CAPN9: variants seen among roughly 807,000 people sequenced by gnomAD.
CAPN9 encodes calpain 9, also known as calpain-9.
Under a neutral mutation model 92.8 loss-of-function variants are expected in CAPN9, and 81 were observed. The observed-to-expected ratio is 0.87, with a 90% CI of 0.73 to 1.05. The LOEUF (loss-of-function observed/expected upper bound fraction) is 1.05. Among genes scored for constraint, CAPN9 ranks in the 50% least tolerant of loss-of-function variants. CAPN9 has a pLI of 0.00. For missense variants in CAPN9, 848 were observed against 866.2 expected (o/e 0.98, Z 0.26); for synonymous variants, 304 against 328.0 (o/e 0.93, Z 0.79).
intron 8 of CAPN9, among the ~76,000 whole-genome samples, chr1:230,775,515 C>T (rs1210321066): frequency 1.3e-5 from 2 of 152,174 alleles, no homozygotes; most frequent in East Asian, 3.8e-4. Context: ...TAGAAGTTGG[C>T]CCTTCTAACC....
At chr1:230,777,802 C>T (rs1282168966) in intron 8 of CAPN9, among the ~76,000 whole-genome samples, 3 of 152,088 alleles carry the variant, frequency 2.0e-5, no homozygotes, top group East Asian at 3.9e-4. Context: ...CCTGGTGGTC[C>T]TCCTCCTACC....
chr1:230,767,802 C>T, intron 5 of CAPN9, 93 bp downstream of exon 5: 1 of 1,220,756 alleles, frequency 8.2e-7, no homozygotes, highest in Non-Finnish European at 1.1e-6. Flanking sequence ...GGTACCCCAG[C>T]CACACCCAAG....
At chr1:230,795,319 C>CCACCCCG in intron 18 of CAPN9, 40 bp downstream of exon 18, 1 of 1,212,122 alleles carries the variant, frequency 8.2e-7, no homozygotes, top group Non-Finnish European at 1.2e-6. Flanking sequence ...CTCGGGGTGG[C>CCACCCCG]ATCTTCAGTC....
chr1:230,795,045 A>T (rs1204039449), intron 17 of CAPN9, 118 bp from the exon 18 acceptor site: 2 of 686,670 alleles, frequency 2.9e-6, no homozygotes, highest in Non-Finnish European at 5.2e-6. Flanking sequence ...TGAGGAGTGA[A>T]ACAGTGGCTT....
At chr1:230,776,656 A>G (rs1348757290) in intron 8 of CAPN9, 1 of 152,194 alleles carries the variant, frequency 6.6e-6, no homozygotes, top group Non-Finnish European at 1.5e-5. Flanking sequence ...GAGGATGTTC[A>G]TATTCTGTGG....
intron 3 of CAPN9, 136 bp from the exon 4 acceptor site, chr1:230,762,517 C>A (rs1446910294): frequency 2.0e-6 from 2 of 977,440 alleles, no homozygotes; most frequent in Non-Finnish European, 1.5e-6. Context: ...CCTTGGAACC[C>A]GTGTGTGATT....
In CAPN9 at chr1:230,751,653, AAG is replaced by A. The variant is rs1664834012; in HGVS notation, c.214-3682_214-3681del. Among the ~76,000 whole-genome samples, 37 of 76,616 alleles carry A rather than the reference AAG, an allele frequency of 4.8e-4. 1 individual carries two copies. Among genetic ancestry groups the A allele is most frequent in the Middle Eastern group, 5.4e-3 (1 of 184 alleles). The allele number at this position is 76,616 out of a possible 152,430, so 50.3% of individuals were successfully genotyped here. ...AAAGAAAGAAAGAAAGAAAGAAAGA[AAG>A]AAAGAAAGAAAGAAAGAAAGAAAGA... On this transcript the variant is annotated intron_variant, in intron 1 of 19. Transcript: ENST00000271971.
In CAPN9 at chr1:230,795,354, A is replaced by T. The variant is rs918823778; in HGVS notation, c.1987+75A>T. On this transcript the variant is annotated intron_variant, in intron 18 of 19. Transcript: ENST00000271971. ...CACCCTCCATGAGCGCATGAGAAAC[A>T]GCCTGGTTAAAGTAATGGCAAAGAT... 5 of 859,400 alleles carry T rather than the reference A, an allele frequency of 5.8e-6. No individual in the cohort carries two copies. The South Asian group carries it at 7.1e-5, about 12-fold the overall frequency. The allele number at this position is 859,400 out of a possible 1,614,324, so 53.2% of individuals were successfully genotyped here.
rs1668745983 is a variant in CAPN9 at position 230,801,954 on chromosome 1, T to A, written c.*358T>A. 1 of 294,610 alleles carries A rather than the reference T, an allele frequency of 3.4e-6. No individual in the cohort carries two copies. Among genetic ancestry groups the A allele is most frequent in the African/African-American group, 2.1e-5 (1 of 47,646 alleles). The allele number at this position is 294,610 out of a possible 1,614,324, so 18.2% of individuals were successfully genotyped here. A position where few individuals can be genotyped will look rare whatever the true frequency, so the allele number is the denominator to read the frequency against. On this transcript the variant is annotated 3_prime_UTR_variant, in exon 20 of 20. Coordinates refer to ENST00000271971, the MANE Select transcript of CAPN9 (RefSeq NM_006615.3). ...GACTTCCATGTAGCTCCAGTCATTGTGATCAGACATCCTTTATAAAACATG... is the reference window on the plus strand; with the variant it reads ...GACTTCCATGTAGCTCCAGTCATTGAGATCAGACATCCTTTATAAAACATG...
At chr1:230,759,738 G>A in intron 3 of CAPN9, 108 bp downstream of exon 3, 1 of 675,938 alleles carries the variant, frequency 1.5e-6, no homozygotes, top group Non-Finnish European at 2.5e-6. Context: ...CATCAGATCT[G>A]TGTGACATAT....
chr1:230,757,068 A>T (rs7552686), intron 2 of CAPN9, among the ~76,000 whole-genome samples: 3 of 35,288 alleles, frequency 8.5e-5, no homozygotes, highest in African/African-American at 2.0e-4. Flanking sequence ...AAGGAAGGAA[A>T]GGAGAAAATA....
Position 230,747,717 on chromosome 1 carries a change from G to A in CAPN9, c.213+8G>A, listed in dbSNP as rs1381520312. ...GTGTGGAAACGACCAGGGGTGAGTG[G>A]GGCGAGCAGGGGAAGGAGCATAGAT... On this transcript the variant is annotated splice_region_variant and intron_variant, in intron 1 of 19. Coordinates refer to ENST00000271971, the MANE Select transcript of CAPN9 (RefSeq NM_006615.3). 1 of 1,612,964 alleles carries A rather than the reference G, an allele frequency of 6.2e-7. No homozygotes were observed. Among genetic ancestry groups the A allele is most frequent in the East Asian group, 2.2e-5 (1 of 44,880 alleles).
intron 12 of CAPN9, chr1:230,786,263 C>T: frequency 1.8e-6 from 1 of 563,050 alleles, no homozygotes; most frequent in Non-Finnish European, 2.3e-6. Flanking sequence ...TCGATGTCAT[C>T]TTCCTCTGTG....
intron 11 of CAPN9, among the ~76,000 whole-genome samples, chr1:230,783,024 T>A (rs4847018): frequency 0.68 from 103,384 of 151,818 alleles, 35,569 homozygotes; most frequent in South Asian, 0.7. Flanking sequence ...CTAAAAAAAA[T>A]GGTGGTTTTT....
chr1:230,774,543 T>C lies in CAPN9; in HGVS notation c.876-11T>C. On this transcript the variant is annotated splice_polypyrimidine_tract_variant and intron_variant, in intron 7 of 19. Coordinates refer to ENST00000271971, the MANE Select transcript of CAPN9 (RefSeq NM_006615.3). ...GACCTCTGCCTGAACACCAATTTTG[T>C]TTACTCCTAGTTCTCCGGAGTGGCG... is the stretch of plus-strand genomic sequence containing the variant. 6.2e-7 allele frequency: 1 copy of C among 1,604,686 alleles called. No individual in the cohort carries two copies. Among genetic ancestry groups the C allele is most frequent in the Non-Finnish European group, 8.5e-7 (1 of 1,171,480 alleles).
intron 9 of CAPN9, 65 bp from the exon 10 acceptor site, chr1:230,780,114 G>T: frequency 1.1e-6 from 1 of 882,240 alleles, no homozygotes; most frequent in Non-Finnish European, 1.8e-6. Context: ...GTGTGTGTGT[G>T]TGTGTGTGGT....
chr1:230,799,987 G>A (rs1431814853), intron 19 of CAPN9, among the ~76,000 whole-genome samples: 1 of 151,830 alleles, frequency 6.6e-6, no homozygotes, highest in African/African-American at 2.4e-5. Flanking sequence ...GACCATCCTG[G>A]CTAACACGGT....
chr1:230,784,543 G>C (rs763897372), intron 11 of CAPN9, among the ~76,000 whole-genome samples: 11 of 152,256 alleles, frequency 7.2e-5, no homozygotes, highest in Admixed American at 2.6e-4. Flanking sequence ...ACCAGATACA[G>C]TTTGGGCTAC....
Position 230,786,008 on chromosome 1 carries a change from C to T in CAPN9, c.1509C>T (p.Asp503=), listed in dbSNP as rs746407890. ...ATATGGATGGAAATGTAGACATTGACCTTCCTGAGGTGAGTCTTCTGATGT... is the reference window on the plus strand; with the variant it reads ...ATATGGATGGAAATGTAGACATTGATCTTCCTGAGGTGAGTCTTCTGATGT... ...TRDMDGNVDI[D]LPEPPKPTPP... Residue 503 remains aspartate (D), a synonymous_variant, in exon 12 of 20, where the codon GAC becomes GAT. Transcript: ENST00000271971. 5.6e-6 allele frequency: 9 copies of T among 1,613,924 alleles called. No homozygotes were observed. The highest frequency in any genetic ancestry group is 7.6e-6 in the Non-Finnish European group (9 of 1,179,842).
Sources: gnomAD v4.1 joint callset for allele counts (sites outside exome capture counted in the v4.1 genomes callset) on GRCh38, gnomAD v4.1.1 for gene constraint, MANE v1.5 for transcripts, NCBI Gene and HGNC (gene_info 2026-07-23, HGNC 2026-07-21) for gene names.